IMMP2L: variants seen among roughly 807,000 people sequenced by gnomAD.
IMMP2L encodes inner mitochondrial membrane peptidase subunit 2, also known as mitochondrial inner membrane protease subunit 2.
Under a neutral mutation model 19.3 loss-of-function variants are expected in IMMP2L, and 18 were observed. The ratio of observed to expected loss-of-function variants is 0.93; its 90% CI spans 0.64 to 1.38. The LOEUF (loss-of-function observed/expected upper bound fraction) is 1.38, where lower values mean the gene tolerates loss of function less well. Ranked by LOEUF, IMMP2L falls within the 40% of genes most tolerant of loss-of-function variation. IMMP2L has a pLI of 0.00. For synonymous variants in IMMP2L, 76 were observed against 73.0 expected (o/e 1.04, Z -0.21); for missense variants, 233 against 218.2 (o/e 1.07, Z -0.43).
At chr7:111,446,965 A>C (rs1336921290) in intron 3 of IMMP2L, among the ~76,000 whole-genome samples, 1 of 150,548 alleles carries the variant, frequency 6.6e-6, no homozygotes, top group Non-Finnish European at 1.5e-5. Flanking sequence ...CAGCAATGGA[A>C]GATGAAACGA....
intron 5 of IMMP2L, among the ~76,000 whole-genome samples, chr7:110,743,687 C>T (rs550698105): frequency 2.0e-5 from 3 of 152,252 alleles, no homozygotes; most frequent in Non-Finnish European, 4.4e-5. Flanking sequence ...TGCAAGGAGT[C>T]GGGGAACTCC....
intron 2 of IMMP2L, among the ~76,000 whole-genome samples, chr7:111,497,891 A>G (rs912237930): frequency 1.3e-5 from 2 of 151,660 alleles, no homozygotes; most frequent in South Asian, 2.1e-4. Flanking sequence ...ATTTTTCACT[A>G]TTAGTATTAT....
At chr7:111,160,566 T>C (rs1805144186) in intron 3 of IMMP2L, among the ~76,000 whole-genome samples, 1 of 151,930 alleles carries the variant, frequency 6.6e-6, no homozygotes, top group Admixed American at 6.6e-5. Flanking sequence ...TTGAGTACTC[T>C]CTGTTAAAAG....
rs1795515232 is a variant in IMMP2L, at chr7:110,720,738, A to T, written c.409-57017T>A. 2.0e-5 allele frequency among the ~76,000 whole-genome samples: 3 copies of T among 152,172 alleles called. No individual in the cohort carries two copies. The South Asian group carries it at 6.2e-4, about 31-fold the overall frequency. ...TTGGAGACTCAGTATTCTATGTCGA[A>T]TATTTCTGAAATCGTTTAAGTGCAC... On this transcript the variant is annotated intron_variant, in intron 5 of 5. Transcript: ENST00000405709.
At chr7:111,217,126 T>TCTCTCTCACACACA (rs1472700586) in intron 3 of IMMP2L, among the ~76,000 whole-genome samples, 4 of 123,998 alleles carry the variant, frequency 3.2e-5, no homozygotes, top group African/African-American at 9.5e-5. Flanking sequence ...TCTCTCTCTC[T>TCTCTCTCACACACA]CACACACACA....
At chr7:111,053,338 AGT>A (rs1793172698) in intron 3 of IMMP2L, among the ~76,000 whole-genome samples, 1 of 152,142 alleles carries the variant, frequency 6.6e-6, no homozygotes, top group Admixed American at 6.5e-5. Flanking sequence ...GAGCATGTGC[AGT>A]GTGTTTACTA....
At chr7:111,142,269 T>C (rs369263194) in intron 3 of IMMP2L, among the ~76,000 whole-genome samples, 8 of 147,952 alleles carry the variant, frequency 5.4e-5, no homozygotes, top group South Asian at 2.1e-4. Flanking sequence ...GAGGTTGCAG[T>C]GAGCCAAGAT....
chr7:110,981,873 T>C (rs1563132525), intron 3 of IMMP2L, among the ~76,000 whole-genome samples: 1 of 152,242 alleles, frequency 6.6e-6, no homozygotes, highest in Non-Finnish European at 1.5e-5. Context: ...CACTTTCTCA[T>C]TTCGAAGAGT....
chr7:111,205,902 G>T (rs1810652647), intron 3 of IMMP2L, among the ~76,000 whole-genome samples: 1 of 152,094 alleles, frequency 6.6e-6, no homozygotes, highest in African/African-American at 2.4e-5. Context: ...TGCATTAAGT[G>T]CCAATACATA....
At chr7:111,267,653 C>T (rs2130091400) in intron 3 of IMMP2L, among the ~76,000 whole-genome samples, 1 of 152,168 alleles carries the variant, frequency 6.6e-6, no homozygotes, top group Non-Finnish European at 1.5e-5. Context: ...ATCTTTTGAC[C>T]CAATCTTTAA....
At chr7:111,391,907 C>A in intron 3 of IMMP2L, 1 of 702,880 alleles carries the variant, frequency 1.4e-6, no homozygotes, top group Non-Finnish European at 2.6e-6. Flanking sequence ...ACATTGAGCA[C>A]TGCCCGCCTT....
At chr7:111,557,708 T>C (rs1563356814) in intron 1 of IMMP2L, among the ~76,000 whole-genome samples, 1 of 152,180 alleles carries the variant, frequency 6.6e-6, no homozygotes, top group African/African-American at 2.4e-5. Flanking sequence ...AAGATATCTG[T>C]AGTCCTACAG....
intron 3 of IMMP2L, among the ~76,000 whole-genome samples, chr7:111,092,125 G>A (rs115489404): frequency 1.3e-5 from 2 of 152,268 alleles, no homozygotes; most frequent in African/African-American, 4.8e-5. Context: ...ATTTCTGCCA[G>A]GCTACATCTT....
intron 1 of IMMP2L, among the ~76,000 whole-genome samples, chr7:111,538,005 T>C (rs1848048632): frequency 6.6e-6 from 1 of 152,072 alleles, no homozygotes; most frequent in South Asian, 2.1e-4. Flanking sequence ...CAGGTTAGCT[T>C]AGATGTCACT....
At chr7:111,214,504 GTTTTT>G (rs71151836) in intron 3 of IMMP2L, among the ~76,000 whole-genome samples, 2 of 97,040 alleles carry the variant, frequency 2.1e-5, no homozygotes, top group African/African-American at 8.4e-5. Flanking sequence ...CACCAAATCT[GTTTTT>G]TTTTTTTTTT....
intron 5 of IMMP2L, among the ~76,000 whole-genome samples, chr7:110,853,868 T>G (rs1785105119): frequency 6.6e-6 from 1 of 152,150 alleles, no homozygotes; most frequent in South Asian, 2.1e-4. Flanking sequence ...GGAAAACCTA[T>G]AGTTCATTGG....
At chr7:111,174,111 A>C (rs1400669711) in intron 3 of IMMP2L, among the ~76,000 whole-genome samples, 1 of 151,720 alleles carries the variant, frequency 6.6e-6, no homozygotes, top group Admixed American at 6.6e-5. Context: ...TCATATAAGA[A>C]TATTTTTTAA....
intron 5 of IMMP2L, among the ~76,000 whole-genome samples, chr7:110,704,846 T>C (rs1168465492): frequency 6.6e-6 from 1 of 152,206 alleles, no homozygotes; most frequent in Non-Finnish European, 1.5e-5. Flanking sequence ...ATCCTGTTTG[T>C]CTAATACTAC....
rs143635906 is a variant in IMMP2L, at chr7:110,937,227, T to C, written c.305+26273A>G. 9.2e-5 allele frequency among the ~76,000 whole-genome samples: 14 copies of C among 152,154 alleles called. No homozygotes were observed. The East Asian group carries it at 2.3e-3, about 25-fold the overall frequency. ...AGAAAAAGAAAAGAAAACATTACGC[T>C]AAGTGAAAAAAGCCAAAAATAAAAG... On this transcript the variant is annotated intron_variant, in intron 4 of 5. Transcript: ENST00000405709.
Sources: gnomAD v4.1 joint callset for allele counts (sites outside exome capture counted in the v4.1 genomes callset) on GRCh38, gnomAD v4.1.1 for gene constraint, MANE v1.5 for transcripts, NCBI Gene and HGNC (gene_info 2026-07-23, HGNC 2026-07-21) for gene names.